The following LINGO2 variants were observed in gnomAD, a reference collection of about 807,000 sequenced individuals.
The protein encoded by LINGO2 is leucine rich repeat and Ig domain containing 2, also known as leucine-rich repeat and immunoglobulin-like domain-containing nogo receptor-interacting protein 2.
A neutral mutation model predicts 30.6 loss-of-function variants in LINGO2; 14 were observed. The observed-to-expected ratio is 0.46, with a 90% CI of 0.30 to 0.72. The LOEUF (loss-of-function observed/expected upper bound fraction) is 0.72. LINGO2 is among the 30% of genes least tolerant of loss of function. The probability of loss-of-function intolerance (pLI) is 0.07; values close to 1 mark genes in which losing one functional copy is unlikely to be tolerated. For missense variants in LINGO2, 729 were observed against 751.7 expected, an observed-to-expected ratio of 0.97 and a Z score of 0.35; for synonymous variants, 317 against 288.5, an observed-to-expected ratio of 1.10 and a Z score of -1.00.
intron 5 of LINGO2, among the ~76,000 whole-genome samples, chr9:28,012,141 G>A (rs995739626): frequency 6.6e-5 from 10 of 152,108 alleles, no homozygotes; most frequent in Non-Finnish European, 1.3e-4. Flanking sequence ...TTACCACTGA[G>A]CAAAATTGCC....
chr9:28,295,720 A>T (rs4369073), intron 3 of LINGO2, among the ~76,000 whole-genome samples: 1,636 of 152,254 alleles, frequency 0.011, 9 homozygotes, highest in Middle Eastern at 0.027. Flanking sequence ...TACTTTACCC[A>T]TAATATTCTC....
rs2026371 is a variant in LINGO2, at chr9:28,430,103, C to T, written c.-279+45837G>A. Among the ~76,000 whole-genome samples the T allele has an allele frequency of 8.1e-3, 595 of 73,400 alleles. 4 individuals carry two copies. Among genetic ancestry groups the T allele is most frequent in the African/African-American group, 0.057 (557 of 9,766 alleles). 48.2% of individuals were successfully genotyped at this position (73,400 alleles called of 152,430 possible). ...AGGGAGAGGCTGATTTCCACGCGCG[C>T]GCGCGCGTGTGTGTGTGTGTGTGTG... is the stretch of plus-strand genomic sequence containing the variant. On this transcript the variant is annotated intron_variant, in intron 2 of 5. Transcript: ENST00000379992.
intron 1 of LINGO2, among the ~76,000 whole-genome samples, chr9:28,528,399 A>G (rs1296701275): frequency 6.6e-6 from 1 of 152,200 alleles, no homozygotes; most frequent in Non-Finnish European, 1.5e-5. Context: ...GAAAACAGCA[A>G]TAACAAAACC....
intron 4 of LINGO2, among the ~76,000 whole-genome samples, chr9:28,042,583 A>C (rs1824241853): frequency 6.6e-6 from 1 of 152,188 alleles, no homozygotes; most frequent in African/African-American, 2.4e-5. Context: ...AGGATATGAA[A>C]GAAAGGTACA....
the LINGO2 span, among the ~76,000 whole-genome samples, chr9:29,003,236 C>T: frequency 2.0e-5 from 3 of 151,916 alleles, no homozygotes; most frequent in African/African-American, 4.8e-5. Context: ...TTTAAGTCAC[C>T]GAGTTTGTGG....
intron 2 of LINGO2, among the ~76,000 whole-genome samples, chr9:28,457,395 C>T (rs940830678): frequency 1.9e-4 from 29 of 152,168 alleles, no homozygotes; most frequent in Non-Finnish European, 4.1e-4. Flanking sequence ...TCAATAATGT[C>T]ACCATGTCAC....
chr9:29,124,961 C>T, the LINGO2 span, among the ~76,000 whole-genome samples: 7 of 152,168 alleles, frequency 4.6e-5, no homozygotes, highest in East Asian at 7.7e-4. Flanking sequence ...CACATGCACA[C>T]GTATGTTTAT....
chr9:29,205,154 C>A, the LINGO2 span, among the ~76,000 whole-genome samples: 1 of 152,078 alleles, frequency 6.6e-6, no homozygotes, highest in African/African-American at 2.4e-5. Context: ...GATTCTCCTG[C>A]CTTAGCTTCC....
At chr9:27,955,935 CTTTTTTTTT>C (rs532878364) in intron 5 of LINGO2, among the ~76,000 whole-genome samples, 2 of 106,772 alleles carry the variant, frequency 1.9e-5, no homozygotes, top group East Asian at 2.9e-4. Flanking sequence ...TGGATACTGA[CTTTTTTTTT>C]TTTTTTTTTT....
At chr9:29,200,556 G>A in the LINGO2 span, among the ~76,000 whole-genome samples, 1 of 152,056 alleles carries the variant, frequency 6.6e-6, no homozygotes, top group African/African-American at 2.4e-5. Flanking sequence ...TTTTAAACAA[G>A]TTAAGATATA....
chr9:28,288,499 G>A (rs553185354), intron 4 of LINGO2, among the ~76,000 whole-genome samples: 42 of 152,126 alleles, frequency 2.8e-4, no homozygotes, highest in Non-Finnish European at 5.0e-4. Flanking sequence ...CTCTCAGTTC[G>A]TTTGTCCTGA....
At chr9:28,878,823 C>T in the LINGO2 span, among the ~76,000 whole-genome samples, 4 of 152,116 alleles carry the variant, frequency 2.6e-5, no homozygotes, top group Admixed American at 6.6e-5. Flanking sequence ...AAATTAGGTA[C>T]TGATGGGACG....
chr9:29,043,034 C>T, the LINGO2 span, among the ~76,000 whole-genome samples: 1 of 151,818 alleles, frequency 6.6e-6, no homozygotes, highest in Admixed American at 6.6e-5. Context: ...ATGGATCTCT[C>T]TGTATTTATT....
chr9:28,862,508 A>C, the LINGO2 span, among the ~76,000 whole-genome samples: 13 of 152,250 alleles, frequency 8.5e-5, no homozygotes, highest in East Asian at 1.7e-3. Context: ...AGGGCTTAAA[A>C]ATTAGTATGC....
the LINGO2 span, among the ~76,000 whole-genome samples, chr9:29,114,526 A>G: frequency 2.7e-5 from 4 of 148,686 alleles, no homozygotes; most frequent in Non-Finnish European, 3.0e-5. Context: ...TACATTAGGT[A>G]TATCTCCTAA....
the LINGO2 span, among the ~76,000 whole-genome samples, chr9:28,841,574 A>G: frequency 6.6e-6 from 1 of 151,860 alleles, no homozygotes; most frequent in Admixed American, 6.6e-5. Context: ...ATAAACAAGC[A>G]ATTAAATAAA....
the LINGO2 span, among the ~76,000 whole-genome samples, chr9:29,160,280 G>GTTAAGTATAA: frequency 6.6e-6 from 1 of 152,170 alleles, no homozygotes; most frequent in African/African-American, 2.4e-5. Context: ...TTCCACTGCA[G>GTTAAGTATAA]CAATGAAGCA....
the LINGO2 span, among the ~76,000 whole-genome samples, chr9:29,003,813 T>C: frequency 6.6e-6 from 1 of 151,978 alleles, no homozygotes; most frequent in Admixed American, 6.6e-5. Flanking sequence ...TGCCAGAGCA[T>C]ACACAAAAGA....
At chr9:28,982,461 T>C in the LINGO2 span, among the ~76,000 whole-genome samples, 2 of 151,636 alleles carry the variant, frequency 1.3e-5, no homozygotes, top group Non-Finnish European at 2.9e-5. Flanking sequence ...TTAAATTTAG[T>C]GTTCTAAGTC....
Sources: allele counts gnomAD v4.1 joint callset (sites outside exome capture counted in the v4.1 genomes callset), GRCh38; gene constraint gnomAD v4.1.1; transcripts MANE v1.5; gene names NCBI Gene and HGNC (gene_info 2026-07-23, HGNC 2026-07-21).